KLK6: variants seen among roughly 807,000 people sequenced by gnomAD.
KLK6 encodes the protein kallikrein related peptidase 6.
Under a neutral mutation model 21.7 loss-of-function variants are expected in KLK6, and 16 were observed. The ratio of observed to expected loss-of-function variants is 0.74; its 90% CI spans 0.50 to 1.12. The LOEUF (loss-of-function observed/expected upper bound fraction) is 1.12, where lower values mean the gene tolerates loss of function less well. KLK6 is among the 50% of genes most tolerant of loss of function. The pLI, the probability that KLK6 is intolerant of heterozygous loss-of-function variation, is 0.00. For missense variants in KLK6, 276 were observed against 304.6 expected, an observed-to-expected ratio of 0.91 and a Z score of 0.70; for synonymous variants, 116 against 120.1, an observed-to-expected ratio of 0.97 and a Z score of 0.22.
intron 4 of KLK6, among the ~76,000 whole-genome samples, chr19:50,963,856 T>C (rs556973505): frequency 6.6e-6 from 1 of 152,250 alleles, no homozygotes; most frequent in Admixed American, 6.5e-5. Context: ...CTACCTGAAC[T>C]AGAGCAGTAG....
intron 6 of KLK6, 61 bp downstream of exon 6, chr19:50,961,683 C>T: frequency 2.5e-6 from 4 of 1,580,806 alleles, no homozygotes; most frequent in Non-Finnish European, 3.4e-6. Flanking sequence ...TGTGTCTGGC[C>T]ATGTTTTTGT....
At chr19:50,959,839 A>G (rs1268267954) in intron 6 of KLK6, among the ~76,000 whole-genome samples, 7 of 13,528 alleles carry the variant, frequency 5.2e-4, no homozygotes, top group African/African-American at 1.1e-3. Context: ...AGAGGAGAAG[A>G]AGGAGGAAGA....
chr19:50,968,025 C>T lies in KLK6; in HGVS notation c.40+40G>A, dbSNP rs2090954896. 1.9e-6 allele frequency: 3 copies of T among 1,599,556 alleles called. No homozygotes were observed. In the South Asian group the frequency reaches 3.3e-5, roughly 18 times the overall value. On this transcript the variant is annotated intron_variant, in intron 3 of 6. Transcript: ENST00000310157. ...CTCTTCTCCATCAACAAGCCCAACCCTGTCTGCAAGCCTCCCCCATCCAAA... is the reference window on the plus strand; with the variant it reads ...CTCTTCTCCATCAACAAGCCCAACCTTGTCTGCAAGCCTCCCCCATCCAAA...
chr19:50,961,122 A>T (rs1489892657), intron 6 of KLK6, among the ~76,000 whole-genome samples: 1 of 26,868 alleles, frequency 3.7e-5, no homozygotes, highest in Admixed American at 4.0e-4. Context: ...CTGGTCTCGA[A>T]CTCCTGACCC....
intron 2 of KLK6, 80 bp downstream of exon 2, chr19:50,968,461 T>C: frequency 3.1e-6 from 1 of 327,624 alleles, no homozygotes; most frequent in Admixed American, 4.2e-5. Context: ...TGTATGGGAG[T>C]TTTCCTCGGA....
At chr19:50,963,910 C>T (rs2090885124) in intron 4 of KLK6, among the ~76,000 whole-genome samples, 1 of 152,146 alleles carries the variant, frequency 6.6e-6, no homozygotes, top group Admixed American at 6.6e-5. Flanking sequence ...CCCCCACAGT[C>T]CATCCTCCAC....
chr19:50,958,971 C>T lies in KLK6; in HGVS notation c.*193G>A. ...ACCGAGGACCCAAGTCCTCACTCATCACGTCCTCCCCAGTGATGCAAGGAT... is the reference window on the plus strand; with the variant it reads ...ACCGAGGACCCAAGTCCTCACTCATTACGTCCTCCCCAGTGATGCAAGGAT... On this transcript the variant is annotated 3_prime_UTR_variant, in exon 7 of 7. Transcript: ENST00000310157. 2 of 632,366 alleles carry T rather than the reference C, an allele frequency of 3.2e-6. No individual in the cohort carries two copies. The highest frequency in any genetic ancestry group is 1.9e-5 in the South Asian group (1 of 51,760). The allele number at this position is 632,366 out of a possible 1,614,324, so 39.2% of individuals were successfully genotyped here.
intron 6 of KLK6, among the ~76,000 whole-genome samples, chr19:50,960,351 C>T (rs2123620536): frequency 6.7e-6 from 1 of 149,764 alleles, no homozygotes; most frequent in Admixed American, 6.7e-5. Flanking sequence ...TCCGTTTCTG[C>T]CTGTGTCTCC....
chr19:50,964,272 C>G (rs1421601863), intron 4 of KLK6, among the ~76,000 whole-genome samples: 7 of 152,174 alleles, frequency 4.6e-5, no homozygotes, highest in Non-Finnish European at 1.0e-4. Flanking sequence ...GGAAGCCTTC[C>G]TTAGTTGCCC....
At chr19:50,960,069 G>C (rs1328591117) in intron 6 of KLK6, among the ~76,000 whole-genome samples, 1 of 70,132 alleles carries the variant, frequency 1.4e-5, no homozygotes, top group African/African-American at 8.7e-5. Context: ...GGGGGGAGGA[G>C]GAGGGGGAGG....
chr19:50,959,421 G>A, intron 6 of KLK6, 105 bp from the exon 7 acceptor site: 2 of 1,001,668 alleles, frequency 2.0e-6, no homozygotes, highest in African/African-American at 1.6e-5. Flanking sequence ...CAGAGAGAGA[G>A]GTAGAAAGGG....
chr19:50,967,790 C>T (rs1045434377), intron 3 of KLK6, among the ~76,000 whole-genome samples: 1 of 151,900 alleles, frequency 6.6e-6, no homozygotes, highest in Non-Finnish European at 1.5e-5. Flanking sequence ...TTCCCGGGCT[C>T]TCTCCAACTT....
At chr19:50,965,564 C>CAGGGTACAGGGTACAGGGATT (rs1443133208) in intron 4 of KLK6, among the ~76,000 whole-genome samples, 3 of 152,212 alleles carry the variant, frequency 2.0e-5, no homozygotes, top group African/African-American at 7.2e-5. Context: ...AGGCGTGAGC[C>CAGGGTACAGGGTACAGGGATT]ACCATGCCCA....
chr19:50,962,453 C>T, intron 5 of KLK6: 1 of 152,856 alleles, frequency 6.5e-6, no homozygotes, highest in African/African-American at 2.4e-5. Context: ...CCCACCCTCC[C>T]TCATGGATCC....
At chr19:50,965,582 C>T (rs182925819) in intron 4 of KLK6, among the ~76,000 whole-genome samples, 1 of 152,328 alleles carries the variant, frequency 6.6e-6, no homozygotes, top group East Asian at 1.9e-4. Flanking sequence ...CCAGCCCTCA[C>T]TTTGCTTGTC....
chr19:50,964,575 G>T (rs1037193551), intron 4 of KLK6, among the ~76,000 whole-genome samples: 1 of 152,178 alleles, frequency 6.6e-6, no homozygotes, highest in East Asian at 1.9e-4. Context: ...AATGTAATTT[G>T]CTATATGTGG....
intron 4 of KLK6, among the ~76,000 whole-genome samples, chr19:50,966,080 C>CT (rs2090921609): frequency 6.6e-6 from 1 of 152,128 alleles, no homozygotes; most frequent in South Asian, 2.1e-4. Flanking sequence ...ACCTCCAGCC[C>CT]TGACCTCTCC....
At chr19:50,961,672 C>T (rs1346566991) in intron 6 of KLK6, 72 bp downstream of exon 6, 5 of 1,561,864 alleles carry the variant, frequency 3.2e-6, no homozygotes, top group Non-Finnish European at 4.3e-6. Flanking sequence ...CTCTCTCTTC[C>T]TGTGTCTGGC....
rs372505913 is a variant in KLK6, at chr19:50,963,406, C to T, written c.341G>A (p.Arg114His). 46 of 1,614,162 alleles carry T rather than the reference C, an allele frequency of 2.8e-5. No individual in the cohort carries two copies. The highest frequency in any genetic ancestry group is 1.1e-4 in the South Asian group (10 of 91,080). ...GATGAGTTCAGAGAGTTTGGCTGGG[C>T]GTGCCAGGCGCAACAGCATGATGTC... ...DQDIMLLRLA[R>H]PAKLSELIQP... Residue 114 changes from arginine (R) to histidine (H), a missense_variant, in exon 5 of 7, where the codon CGC becomes CAC. Transcript: ENST00000310157.
Sources: gnomAD v4.1 joint callset for allele counts (sites outside exome capture counted in the v4.1 genomes callset) on GRCh38, gnomAD v4.1.1 for gene constraint, MANE v1.5 for transcripts, NCBI Gene and HGNC (gene_info 2026-07-23, HGNC 2026-07-21) for gene names.